The following TEKT4 variants were observed in gnomAD, a reference collection of about 807,000 sequenced individuals.
TEKT4 encodes the protein tektin 4.
Under a neutral mutation model 46.0 loss-of-function variants are expected in TEKT4, and 46 were observed. The observed-to-expected ratio is 1.00, with a 90% confidence interval of 0.79 to 1.28. TEKT4 has a LOEUF of 1.28. TEKT4 is among the 50% of genes most tolerant of loss of function. The pLI, the probability that TEKT4 is intolerant of heterozygous loss-of-function variation, is 0.00. For missense variants in TEKT4, 790 were observed against 622.9 expected (o/e 1.27, Z -2.85); for synonymous variants, 325 against 265.8 (o/e 1.22, Z -2.17).
chr2:94,872,519 C>T, intron 1 of TEKT4: 1 of 311,854 alleles, frequency 3.2e-6, no homozygotes, highest in Admixed American at 4.0e-5. Context: ...AGATCTGCAC[C>T]CACAGGTCCC....
Position 94,871,972 on chromosome 2 carries a change from C to T in TEKT4, c.393C>T (p.Asp131=), listed in dbSNP as rs74353249. ...AQKQRLERAL[D]ATEVPFSITT... ...AGCAACGGCTGGAGCGCGCCCTGGA[C>T]GCCACAGAGGTGCCCTTCTCCATCA... Residue 131 remains aspartate (D), a synonymous_variant, in exon 1 of 6, where the codon GAC becomes GAT. Coordinates refer to ENST00000295201, the MANE Select transcript of TEKT4 (RefSeq NM_144705.4). The T allele has an allele frequency of 6.9e-5, 110 of 1,601,548 alleles. No homozygotes were observed. The highest frequency in any genetic ancestry group is 5.0e-4 in the Middle Eastern group (3 of 6,044).
In TEKT4 at chr2:94,872,085, C is replaced by A; in HGVS notation, c.498+8C>A. ...GAAACGGAGCTGCTGAAGGTGCCAG[C>A]ACCCTTGGGTGGCCGGGATTTGTGG... On this transcript the variant is annotated splice_region_variant and intron_variant, in intron 1 of 5. Transcript: ENST00000295201. The A allele has an allele frequency of 6.5e-7, 1 of 1,533,724 alleles. No homozygotes were observed.
Position 94,876,718 on chromosome 2 carries a change from G to A in TEKT4, c.1257G>A (p.Met419Ile), listed in dbSNP as rs782069536. 1 of 1,611,922 alleles carries A rather than the reference G, an allele frequency of 6.2e-7. No individual in the cohort carries two copies. The highest frequency in any genetic ancestry group is 8.5e-7 in the Non-Finnish European group (1 of 1,180,000). The change falls in exon 6 of 6, where the codon ATG (methionine) becomes ATA (isoleucine). Residue 419 changes from methionine to isoleucine, a missense_variant. By Grantham distance (10) the Met-to-Ile change is conservative. Coordinates refer to ENST00000295201, the MANE Select transcript of TEKT4 (RefSeq NM_144705.4). ...TCTTCATCGACCGCCAGAAGTGCAT[G>A]GCCCATCGTACTCGCTACCCCACCA... ...NSLFIDRQKC[M>I]AHRTRYPTIL...
At chr2:94,875,994 A>G (rs78269376) in intron 5 of TEKT4, among the ~76,000 whole-genome samples, 1 of 152,200 alleles carries the variant, frequency 6.6e-6, no homozygotes, top group Non-Finnish European at 1.5e-5. Context: ...ACCCCACCCT[A>G]TGCTACCTCA....
rs140191802 is a variant in TEKT4, at chr2:94,873,567, C to T, written c.546C>T (p.Ile182=). The T allele has an allele frequency of 2.5e-5, 41 of 1,613,048 alleles. No homozygotes were observed. The highest frequency in any genetic ancestry group is 3.5e-5 in the Non-Finnish European group (41 of 1,180,002). ...TTCAGGAGCTGCTGAAGAGAACCAT[C>T]ATGCAAGCAGTGAGCCAGATCCGGT... ...RNIQELLKRT[I]MQAVSQIRLN... The change falls in exon 2 of 6, where the codon ATC becomes ATT. Residue 182 remains isoleucine (I), a synonymous_variant. Coordinates refer to ENST00000295201, the MANE Select transcript of TEKT4 (RefSeq NM_144705.4).
Position 94,876,658 on chromosome 2 carries a change from C to T in TEKT4, c.1197C>T (p.Ser399=). 1 of 1,613,448 alleles carries T rather than the reference C, an allele frequency of 6.2e-7. No homozygotes were observed. The highest frequency in any genetic ancestry group is 8.5e-7 in the Non-Finnish European group (1 of 1,179,992). ...GCAACCTCGAGGACATCCACATGAG[C>T]CTGGAGAAGGACATTGCCGCCATGA... ...SLRNLEDIHM[S]LEKDIAAMTN... The change falls in exon 6 of 6, where the codon AGC becomes AGT. Residue 399 remains serine (S), a synonymous_variant. Transcript: ENST00000295201.
Position 94,871,635 on chromosome 2 carries a change from G to C in TEKT4, c.56G>C (p.Arg19Pro). 6.2e-7 allele frequency: 1 copy of C among 1,612,424 alleles called. No homozygotes were observed. The highest frequency in any genetic ancestry group is 8.5e-7 in the Non-Finnish European group (1 of 1,179,864). ...ELPCKEYDVA[R>P]NTGAYTSSGL... ...CCCTGCAAAGAGTACGACGTGGCCCGTAACACGGGCGCCTACACGTCCTCC... is the reference window on the plus strand; with the variant it reads ...CCCTGCAAAGAGTACGACGTGGCCCCTAACACGGGCGCCTACACGTCCTCC... The change falls in exon 1 of 6, where the codon CGT becomes CCT. Residue 19 changes from arginine to proline, a missense_variant. Physicochemically the swap from Arg to Pro is moderately radical, Grantham distance 103 (BLOSUM62 -2). Coordinates refer to ENST00000295201, the MANE Select transcript of TEKT4 (RefSeq NM_144705.4).
In TEKT4 at chr2:94,873,398, G is replaced by A. The variant is rs1489783382; in HGVS notation, c.499-122G>A. The A allele has an allele frequency of 1.1e-5, 17 of 1,554,370 alleles. No homozygotes were observed. In the African/African-American group the frequency reaches 2.2e-4, roughly 20 times the overall value. On this transcript the variant is annotated intron_variant, in intron 1 of 5. Transcript: ENST00000295201. ...AGAGAGCAGAACTTACACAGTCAGA[G>A]CTCAGGCCCGGCATTCAACTCCTTG...
chr2:94,872,540 T>C (rs1680625508), intron 1 of TEKT4: 2 of 315,916 alleles, frequency 6.3e-6, no homozygotes, highest in South Asian at 3.0e-5. Flanking sequence ...CTCTCCTCCA[T>C]GTCCCCTATA....
In TEKT4 at chr2:94,876,598, G is replaced by T; in HGVS notation, c.1137G>T (p.Leu379=). Residue 379 remains leucine, a synonymous_variant, in exon 6 of 6, where the codon CTG becomes CTT. Transcript: ENST00000295201. ...VEELNMSLTA[L]REKLLEAEQS... ...AGCTGAACATGTCCCTCACAGCACT[G>T]CGAGAGAAGCTTCTAGAAGCGGAGC... 6.2e-7 allele frequency: 1 copy of T among 1,612,182 alleles called. No individual in the cohort carries two copies. Among genetic ancestry groups the T allele is most frequent in the Non-Finnish European group, 8.5e-7 (1 of 1,179,638 alleles).
chr2:94,876,654 T>G lies in TEKT4; in HGVS notation c.1193T>G (p.Met398Arg). 1 of 1,613,420 alleles carries G rather than the reference T, an allele frequency of 6.2e-7. No individual in the cohort carries two copies. Among genetic ancestry groups the G allele is most frequent in the Non-Finnish European group, 8.5e-7 (1 of 1,179,968 alleles). The change falls in exon 6 of 6, where the codon ATG becomes AGG. Residue 398 changes from methionine to arginine, a missense_variant. Coordinates refer to ENST00000295201, the MANE Select transcript of TEKT4 (RefSeq NM_144705.4). Reference protein sequence around the residue: ...QSLRNLEDIHMSLEKDIAAMT... With the variant: ...QSLRNLEDIHRSLEKDIAAMT... ...CTGCGCAACCTCGAGGACATCCACA[T>G]GAGCCTGGAGAAGGACATTGCCGCC...
At chr2:94,874,440 G>T (rs868976734) in intron 3 of TEKT4, among the ~76,000 whole-genome samples, 1 of 152,034 alleles carries the variant, frequency 6.6e-6, no homozygotes, top group South Asian at 2.1e-4. Flanking sequence ...AAGAGGGCGC[G>T]GGCGCTGGGT....
intron 1 of TEKT4, chr2:94,872,530 C>T: frequency 3.2e-6 from 1 of 313,152 alleles, no homozygotes; most frequent in Admixed American, 4.0e-5. Context: ...CACAGGTCCC[C>T]TCTCCTCCAT....
Position 94,876,536 on chromosome 2 carries a change from C to G in TEKT4, c.1092-17C>G. 6.3e-7 allele frequency: 1 copy of G among 1,591,318 alleles called. No individual in the cohort carries two copies. Among genetic ancestry groups the G allele is most frequent in the Non-Finnish European group, 8.5e-7 (1 of 1,170,568 alleles). The stretch of plus-strand genomic sequence containing the variant: ...TGCCCTCCCTAGCCCCGGCTCACAC[C>G]CCCCCAACACCCCCAGGCTGTTGAG... On this transcript the variant is annotated splice_polypyrimidine_tract_variant and intron_variant, in intron 5 of 5. Coordinates refer to ENST00000295201, the MANE Select transcript of TEKT4 (RefSeq NM_144705.4).
At chr2:94,873,379 C>G (rs1196137780) in intron 1 of TEKT4, 141 bp from the exon 2 acceptor site, 26 of 1,504,242 alleles carry the variant, frequency 1.7e-5, no homozygotes, top group Middle Eastern at 2.5e-4. Context: ...AGTGAGAGAG[C>G]AGAACTTACA....
chr2:94,871,490 G>A lies in TEKT4; in HGVS notation c.-90G>A. ...CGTCCTGCTCTGGGACTGAGCCGTT[G>A]GAGCTGCCCCGCTGACCGCACTAGG... On this transcript the variant is annotated 5_prime_UTR_variant, in exon 1 of 6. Coordinates refer to ENST00000295201, the MANE Select transcript of TEKT4 (RefSeq NM_144705.4). The A allele has an allele frequency of 7.0e-7, 1 of 1,435,716 alleles. No homozygotes were observed. Among genetic ancestry groups the A allele is most frequent in the Non-Finnish European group, 9.2e-7 (1 of 1,091,220 alleles). The allele number at this position is 1,435,716 out of a possible 1,614,324, so 88.9% of individuals were successfully genotyped here. A position where few individuals can be genotyped will look rare whatever the true frequency, so the allele number is the denominator to read the frequency against.
chr2:94,874,459 AG>A (rs1486461889), intron 3 of TEKT4, among the ~76,000 whole-genome samples: 2 of 94,566 alleles, frequency 2.1e-5, no homozygotes, highest in African/African-American at 8.9e-5. Flanking sequence ...GTACTAGGGA[AG>A]GGGGGCTGCG....
intron 4 of TEKT4, 165 bp from the exon 5 acceptor site, chr2:94,875,423 G>C: frequency 1.9e-6 from 1 of 527,208 alleles, no homozygotes. Context: ...GAGCCCACTG[G>C]GGGCCCCGTG....
intron 1 of TEKT4, 118 bp downstream of exon 1, chr2:94,872,195 G>A: frequency 7.5e-7 from 1 of 1,332,438 alleles, no homozygotes; most frequent in Non-Finnish European, 9.9e-7. Flanking sequence ...CCAGCCCTCT[G>A]CACGTGAGAC....
Sources: allele counts gnomAD v4.1 joint callset (sites outside exome capture counted in the v4.1 genomes callset), GRCh38; gene constraint gnomAD v4.1.1; transcripts MANE v1.5; gene names NCBI Gene and HGNC (gene_info 2026-07-23, HGNC 2026-07-21).